NKD1: variants seen among roughly 807,000 people sequenced by gnomAD.
NKD1 encodes NKD inhibitor of Wnt signaling pathway 1.
In NKD1, 21 loss-of-function variants were observed where a neutral mutation model predicts 56.0. The observed-to-expected ratio is 0.38, with a 90% CI of 0.27 to 0.54. The LOEUF (loss-of-function observed/expected upper bound fraction) is 0.54, where lower values mean the gene tolerates loss of function less well. NKD1 is among the 20% of genes least tolerant of loss of function. The pLI, the probability that NKD1 is intolerant of heterozygous loss-of-function variation, is 0.82. For synonymous variants in NKD1, 263 were observed against 265.7 expected (o/e 0.99, Z 0.10); for missense variants, 578 against 642.7 (o/e 0.90, Z 1.09).
At chr16:50,625,275 C>T in intron 5 of NKD1, 1 of 589,992 alleles carries the variant, frequency 1.7e-6, no homozygotes, top group Non-Finnish European at 3.0e-6. Context: ...TGCAGGCATC[C>T]CTCCCCAGGC....
rs1283726074 is a variant in NKD1 at position 50,603,751 on chromosome 16, C to T, written c.193-4543C>T. ...TGCTTTGATGTGGTTTTCCCATCCCCGGAGGCCTTATAAGGTATCGTGCCT... is the reference window on the plus strand; with the variant it reads ...TGCTTTGATGTGGTTTTCCCATCCCTGGAGGCCTTATAAGGTATCGTGCCT... On this transcript the variant is annotated intron_variant, in intron 3 of 9. Coordinates refer to ENST00000268459, the MANE Select transcript of NKD1 (RefSeq NM_033119.5). Among the ~76,000 whole-genome samples the T allele has an allele frequency of 2.6e-5, 4 of 152,218 alleles. No homozygotes were observed. The East Asian group carries it at 5.8e-4, about 22-fold the overall frequency.
In NKD1 at chr16:50,633,953, C is replaced by T. The variant is rs1194042241; in HGVS notation, c.*172C>T. 1.9e-6 allele frequency: 1 copy of T among 516,676 alleles called. No homozygotes were observed. Among genetic ancestry groups the T allele is most frequent in the Admixed American group, 3.8e-5 (1 of 26,426 alleles). The allele number at this position is 516,676 out of a possible 1,614,324, so 32.0% of individuals were successfully genotyped here. The stretch of plus-strand genomic sequence containing the variant: ...GTAGAAGATCTATGGAAACACAGAA[C>T]TAAACTTTTATTTATATGTTGTGGG... On this transcript the variant is annotated 3_prime_UTR_variant, in exon 10 of 10. Coordinates refer to ENST00000268459, the MANE Select transcript of NKD1 (RefSeq NM_033119.5). This position sits in a 1 kb window ranked among gnomAD's most constrained non-coding sequence, Gnocchi z 4.9.
rs1961513274 is a variant in NKD1, at chr16:50,598,148, G to A, written c.193-10146G>A. Among the ~76,000 whole-genome samples the A allele has an allele frequency of 6.6e-6, 1 of 152,060 alleles. No individual in the cohort carries two copies. Among genetic ancestry groups the A allele is most frequent in the African/African-American group, 2.4e-5 (1 of 41,412 alleles). On this transcript the variant is annotated intron_variant, in intron 3 of 9. Transcript: ENST00000268459. This position sits in a 1 kb window ranked among gnomAD's most constrained non-coding sequence, Gnocchi z 4.2. The stretch of plus-strand genomic sequence containing the variant: ...AGGAGATGAGAGTGGGAGGCCCAGG[G>A]CTGATGGGATCAGAGTGGGTAGGAG...
At chr16:50,596,168 C>T (rs900600425) in intron 3 of NKD1, among the ~76,000 whole-genome samples, 4 of 152,092 alleles carry the variant, frequency 2.6e-5, no homozygotes, top group African/African-American at 9.7e-5. Flanking sequence ...CCTGGGTGCA[C>T]TGTGTGGCTG....
At chr16:50,557,643 G>C (rs1264608639) in intron 3 of NKD1, 3 of 152,216 alleles carry the variant, frequency 2.0e-5, no homozygotes, top group East Asian at 1.9e-4. Flanking sequence ...TTGTATGCTT[G>C]ATTTACATTG....
chr16:50,605,474 T>G (rs1053879964), intron 3 of NKD1, among the ~76,000 whole-genome samples: 4 of 152,184 alleles, frequency 2.6e-5, no homozygotes, highest in African/African-American at 9.7e-5. Context: ...CAGTTGGCCC[T>G]CCTTATCCAT....
chr16:50,614,419 G>A (rs188145850), intron 4 of NKD1, among the ~76,000 whole-genome samples: 1 of 151,952 alleles, frequency 6.6e-6, no homozygotes, highest in East Asian at 1.9e-4. Context: ...CACATGTCTC[G>A]CTCGCTGCCC....
intron 3 of NKD1, among the ~76,000 whole-genome samples, chr16:50,561,322 C>T (rs918921211): frequency 4.9e-4 from 75 of 152,022 alleles, no homozygotes; most frequent in African/African-American, 1.7e-3. Context: ...CTATTATGAC[C>T]TCTCCTGCCT....
At position 50,641,951 on chromosome 16, in the gene NKD1, C is replaced by T. The variant is rs1393083984; in HGVS notation, c.*8170C>T. ...CCAAGACAGGTGGAAAGCCCCAACT[C>T]AAAAGACTGGCTGGATTGTACCCGG... On this transcript the variant is annotated 3_prime_UTR_variant, in exon 10 of 10. Coordinates refer to ENST00000268459, the MANE Select transcript of NKD1 (RefSeq NM_033119.5). The T allele has an allele frequency of 6.6e-6, 1 of 152,282 alleles. No individual in the cohort carries two copies. The highest frequency in any genetic ancestry group is 1.5e-5 in the Non-Finnish European group (1 of 68,096). The allele number at this position is 152,282 out of a possible 1,614,324, so 9.4% of individuals were successfully genotyped here. A position where few individuals can be genotyped will look rare whatever the true frequency, so the allele number is the denominator to read the frequency against.
intron 3 of NKD1, among the ~76,000 whole-genome samples, chr16:50,595,788 G>T (rs1160198786): frequency 6.6e-6 from 1 of 152,150 alleles, no homozygotes; most frequent in Non-Finnish European, 1.5e-5. Context: ...TGACCATACG[G>T]ACTCTCCCAG....
At chr16:50,589,399 C>T (rs563863832) in intron 3 of NKD1, among the ~76,000 whole-genome samples, 19 of 152,276 alleles carry the variant, frequency 1.2e-4, no homozygotes, top group Non-Finnish European at 2.4e-4. Context: ...TTTAAGCCCA[C>T]GCCTTCCTCA....
At chr16:50,612,784 G>A (rs2085322135) in intron 4 of NKD1, among the ~76,000 whole-genome samples, 1 of 152,166 alleles carries the variant, frequency 6.6e-6, no homozygotes, top group East Asian at 1.9e-4. Flanking sequence ...GAATGAGAGT[G>A]GGGTGGTCGG....
chr16:50,596,963 G>C (rs1055711735), intron 3 of NKD1, among the ~76,000 whole-genome samples: 2 of 152,322 alleles, frequency 1.3e-5, no homozygotes, highest in East Asian at 3.9e-4. Context: ...AAGGACGCCT[G>C]TGTGGCTGTG....
rs1052710629 is a variant in NKD1, at chr16:50,638,548, T to C, written c.*4767T>C. ...CTTTATTAACTTCTAAAACCTGTGC[T>C]CAGGACACTCTTCAACAGTCATGAA... On this transcript the variant is annotated 3_prime_UTR_variant, in exon 10 of 10. Transcript: ENST00000268459. 1 of 152,256 alleles carries C rather than the reference T, an allele frequency of 6.6e-6. No individual in the cohort carries two copies. The highest frequency in any genetic ancestry group is 2.4e-5 in the African/African-American group (1 of 41,426). The allele number at this position is 152,256 out of a possible 1,614,324, so 9.4% of individuals were successfully genotyped here. A position where few individuals can be genotyped will look rare whatever the true frequency, so the allele number is the denominator to read the frequency against.
chr16:50,625,465 G>A lies in NKD1; in HGVS notation c.367-20G>A, dbSNP rs201571745. ...TTGCCACAGATAGGGGACCAGCCCC[G>A]CCCATCTCTCTGCATCCAGGAGCTC... is the stretch of plus-strand genomic sequence containing the variant. On this transcript the variant is annotated intron_variant, in intron 5 of 9. Coordinates refer to ENST00000268459, the MANE Select transcript of NKD1 (RefSeq NM_033119.5). 1.0e-5 allele frequency: 16 copies of A among 1,569,770 alleles called. No homozygotes were observed. Among genetic ancestry groups the A allele is most frequent in the African/African-American group, 2.7e-5 (2 of 74,146 alleles).
chr16:50,632,451 C>T lies in NKD1; in HGVS notation c.823+43C>T, dbSNP rs1313233341. ...CCTGCAATGGGCGATGAGGGCAGGG[C>T]GTGGCTGGACGGGCCAGGCGGGCCG... On this transcript the variant is annotated intron_variant, in intron 9 of 9. Coordinates refer to ENST00000268459, the MANE Select transcript of NKD1 (RefSeq NM_033119.5). The surrounding 1 kb of genome is among the most constrained non-coding windows in gnomAD (Gnocchi z 4.1). 1.9e-6 allele frequency: 3 copies of T among 1,609,540 alleles called. No individual in the cohort carries two copies. The highest frequency in any genetic ancestry group is 1.3e-5 in the African/African-American group (1 of 74,982).
chr16:50,616,902 A>G (rs1961973214), intron 4 of NKD1, among the ~76,000 whole-genome samples: 1 of 152,200 alleles, frequency 6.6e-6, no homozygotes, highest in South Asian at 2.1e-4. Context: ...CTGGGGTTGT[A>G]CAGTGCACAG....
intron 3 of NKD1, chr16:50,570,984 T>A: frequency 1.0e-6 from 1 of 985,426 alleles, no homozygotes; most frequent in Non-Finnish European, 1.2e-6. Flanking sequence ...TATCCTTCAC[T>A]GGGCTCATGG....
intron 2 of NKD1, 48 bp downstream of exon 2, chr16:50,548,797 C>T (rs1269540716): frequency 1.5e-6 from 2 of 1,349,382 alleles, no homozygotes; most frequent in Admixed American, 4.1e-5. Flanking sequence ...CGGGGGACAC[C>T]GCGGCCGCGG....
Sources: allele counts gnomAD v4.1 joint callset (sites outside exome capture counted in the v4.1 genomes callset), GRCh38; gene constraint gnomAD v4.1.1; non-coding constraint Gnocchi (gnomAD v3.1); transcripts MANE v1.5; gene names NCBI Gene and HGNC (gene_info 2026-07-23, HGNC 2026-07-21).